KIR3DL1: variants seen among roughly 807,000 people sequenced by gnomAD.
KIR3DL1 encodes the protein killer cell immunoglobulin like receptor, three Ig domains and long cytoplasmic tail 1.
Under a neutral mutation model 40.3 loss-of-function variants are expected in KIR3DL1, and 50 were observed. The ratio of observed to expected loss-of-function variants is 1.24; its 90% confidence interval spans 0.99 to 1.57. The LOEUF is 1.57. KIR3DL1 is among the 40% of genes most tolerant of loss of function. KIR3DL1 has a pLI of 0.00. For synonymous variants in KIR3DL1, 257 were observed against 207.2 expected (o/e 1.24, Z -2.07); for missense variants, 661 against 559.9 (o/e 1.18, Z -1.82).
rs374399938 is a variant in KIR3DL1, at chr19:54,818,244, TC to T, written c.71-70del. The stretch of plus-strand genomic sequence containing the variant: ...CCTTAGAAAGTGGAAATGGGGAGAA[TC>T]TTCTGGGCACTGGGAGTGAGGGGCG... On this transcript the variant is annotated intron_variant, in intron 2 of 8. Coordinates refer to ENST00000391728, the Ensembl canonical transcript of KIR3DL1. The T allele has an allele frequency of 4.5e-5, 68 of 1,520,688 alleles. 2 individuals are homozygous for T. The highest frequency in any genetic ancestry group is 2.1e-4 in the East Asian group (9 of 43,584). The allele number at this position is 1,520,688 out of a possible 1,614,324, so 94.2% of individuals were successfully genotyped here. A position where few individuals can be genotyped will look rare whatever the true frequency, so the allele number is the denominator to read the frequency against.
exon 9 of KIR3DL1, chr19:54,830,457 C>T: frequency 1.3e-6 from 1 of 763,600 alleles, no homozygotes; most frequent in Non-Finnish European, 2.1e-6. Flanking sequence ...GTCTAGGTCC[C>T]CACTGCCTGC....
chr19:54,829,953 T>C, exon 8 of KIR3DL1: 1 of 1,528,886 alleles, frequency 6.5e-7, no homozygotes, highest in Non-Finnish European at 8.9e-7. Context: ...ACCAAGAGCC[T>C]GCAGGGAACA....
At position 54,818,608 on chromosome 19, in the gene KIR3DL1, C is replaced by T. The variant is rs1175862783; in HGVS notation, c.355+9C>T. Reference sequence around the variant, plus strand: ...GGTGATCATGGTCACAGGTCAGAGGCTTTCCGTCTGGGCTTCTCACTGTCC... The same window carrying T: ...GGTGATCATGGTCACAGGTCAGAGGTTTTCCGTCTGGGCTTCTCACTGTCC... On this transcript the variant is annotated intron_variant, in intron 3 of 8. Transcript: ENST00000391728. The T allele has an allele frequency of 1.2e-6, 2 of 1,605,534 alleles. No homozygotes were observed. Among genetic ancestry groups the T allele is most frequent in the East Asian group, 4.5e-5 (2 of 44,812 alleles).
At chr19:54,817,871 G>A (rs1372809259) in intron 2 of KIR3DL1, among the ~76,000 whole-genome samples, 5 of 148,320 alleles carry the variant, frequency 3.4e-5, no homozygotes, top group Admixed American at 2.0e-4. Flanking sequence ...GGACAAAGGT[G>A]TAACTCACAC....
rs2061664928 is a variant in KIR3DL1, at chr19:54,821,998, T to G, written c.949+140T>G. On this transcript the variant is annotated intron_variant, in intron 5 of 8. Coordinates refer to ENST00000391728, the Ensembl canonical transcript of KIR3DL1. ...GTGAGGGCGGAGTCAGGGCGCAGGA[T>G]GGCAGACAGGGCACCTCCAAACCCT... 3 of 1,066,510 alleles carry G rather than the reference T, an allele frequency of 2.8e-6. No homozygotes were observed. In the East Asian group the frequency reaches 7.4e-5, roughly 26 times the overall value. 66.1% of individuals were successfully genotyped at this position (1,066,510 alleles called of 1,614,324 possible).
chr19:54,817,049 T>TCTGGG, intron 1 of KIR3DL1, among the ~76,000 whole-genome samples: 1 of 80,684 alleles, frequency 1.2e-5, no homozygotes, highest in African/African-American at 5.0e-5. Context: ...GGAGATATGA[T>TCTGGG]CCTGGAGTGG....
exon 9 of KIR3DL1, chr19:54,830,385 T>C: frequency 8.0e-7 from 1 of 1,253,018 alleles, no homozygotes. Flanking sequence ...GCGTGAGTCT[T>C]CATCTTAGGG....
chr19:54,822,499 G>A (rs1211910478), intron 5 of KIR3DL1, among the ~76,000 whole-genome samples: 1 of 150,196 alleles, frequency 6.7e-6, no homozygotes, highest in Non-Finnish European at 1.5e-5. Context: ...ATGCTGGCAT[G>A]CACCTGTAGT....
At chr19:54,825,327 C>A (rs2061828260) in intron 6 of KIR3DL1, among the ~76,000 whole-genome samples, 2 of 150,920 alleles carry the variant, frequency 1.3e-5, no homozygotes, top group South Asian at 4.2e-4. Flanking sequence ...ATCTGACATC[C>A]TTCTCAGGAA....
exon 3 of KIR3DL1, chr19:54,818,508 A>G: frequency 6.2e-7 from 1 of 1,611,466 alleles, no homozygotes; most frequent in Non-Finnish European, 8.5e-7. Flanking sequence ...TGACCACAGC[A>G]CATGCAGGGA....
chr19:54,822,410 A>G (rs1036589988), intron 5 of KIR3DL1, among the ~76,000 whole-genome samples: 1 of 151,234 alleles, frequency 6.6e-6, no homozygotes, highest in African/African-American at 2.4e-5. Flanking sequence ...GGATCATTTA[A>G]GATCAGGAAC....
chr19:54,824,670 T>C (rs35496566), intron 5 of KIR3DL1, among the ~76,000 whole-genome samples: 30,165 of 137,578 alleles, frequency 0.22, 3,289 homozygotes, highest in South Asian at 0.33. Context: ...AGCAAGATTC[T>C]ATCACACACA....
chr19:54,826,878 G>A (rs1286110061), intron 6 of KIR3DL1, among the ~76,000 whole-genome samples: 1 of 151,806 alleles, frequency 6.6e-6, no homozygotes, highest in African/African-American at 2.4e-5. Context: ...GAGACGGAGA[G>A]CACACTGGGT....
intron 6 of KIR3DL1, among the ~76,000 whole-genome samples, chr19:54,827,512 G>A (rs2061966302): frequency 6.6e-6 from 1 of 150,664 alleles, no homozygotes; most frequent in Non-Finnish European, 1.5e-5. Flanking sequence ...CTGCTCTGGA[G>A]GATGAAGCAG....
intron 4 of KIR3DL1, among the ~76,000 whole-genome samples, 187 bp from the exon 5 acceptor site, chr19:54,821,378 G>A (rs1373311939): frequency 6.6e-6 from 1 of 151,042 alleles, no homozygotes. Context: ...GGGGAAGTGA[G>A]GTCATAGACC....
intron 6 of KIR3DL1, among the ~76,000 whole-genome samples, chr19:54,825,748 C>T (rs545009573): frequency 0.045 from 6,289 of 138,672 alleles, 93 homozygotes; most frequent in East Asian, 0.088. Context: ...AGCAAGGCTG[C>T]CTTCCCTCTG....
chr19:54,824,777 G>A (rs2148147771), intron 5 of KIR3DL1, among the ~76,000 whole-genome samples: 1 of 149,876 alleles, frequency 6.7e-6, no homozygotes, highest in Admixed American at 6.7e-5. Flanking sequence ...CCAATGTCAT[G>A]CTGTTTTGCT....
chr19:54,822,128 G>T (rs34640119), intron 5 of KIR3DL1, among the ~76,000 whole-genome samples: 1 of 150,950 alleles, frequency 6.6e-6, no homozygotes, highest in Non-Finnish European at 1.5e-5. Context: ...GGCTTAGTTT[G>T]GGGAGATCAG....
At chr19:54,817,942 G>A (rs1224064322) in intron 2 of KIR3DL1, among the ~76,000 whole-genome samples, 3 of 146,876 alleles carry the variant, frequency 2.0e-5, no homozygotes, top group Admixed American at 2.0e-4. Flanking sequence ...TACCAGAAAA[G>A]GTGAGGAAAC....
Sources: allele counts gnomAD v4.1 joint callset (sites outside exome capture counted in the v4.1 genomes callset), GRCh38; gene constraint gnomAD v4.1.1; transcripts MANE v1.5; gene names NCBI Gene and HGNC (gene_info 2026-07-23, HGNC 2026-07-21).